Variants in SDC4 observed in about 807,000 individuals in gnomAD.
SDC4 encodes syndecan-4.
A neutral mutation model predicts 20.5 loss-of-function variants in SDC4; 17 were observed. The observed-to-expected ratio is 0.83, with a 90% CI of 0.57 to 1.25. The LOEUF is 1.25. SDC4 is among the 50% of genes most tolerant of loss of function. The probability of loss-of-function intolerance (pLI) is 0.00; values close to 1 mark genes in which losing one functional copy is unlikely to be tolerated. For synonymous variants in SDC4, 107 were observed against 105.3 expected (o/e 1.02, Z -0.10); for missense variants, 241 against 252.3 (o/e 0.96, Z 0.30).
At chr20:45,340,167 G>A (rs1987934313) in intron 1 of SDC4, among the ~76,000 whole-genome samples, 1 of 152,146 alleles carries the variant, frequency 6.6e-6, no homozygotes, top group South Asian at 2.1e-4. Context: ...GCTACGAAAA[G>A]GTCCTATCCC....
At chr20:45,342,870 C>T (rs1472824680) in intron 1 of SDC4, among the ~76,000 whole-genome samples, 1 of 152,214 alleles carries the variant, frequency 6.6e-6, no homozygotes, top group African/African-American at 2.4e-5. Flanking sequence ...ACCACCTCCC[C>T]AAAGCCAAAC....
intron 1 of SDC4, among the ~76,000 whole-genome samples, chr20:45,342,305 C>T (rs547703836): frequency 6.6e-6 from 1 of 152,334 alleles, no homozygotes; most frequent in South Asian, 2.1e-4. Flanking sequence ...GTCAGTCTGT[C>T]CCACAGACGG....
Position 45,330,543 on chromosome 20 carries a change from G to A in SDC4, c.268C>T (p.Pro90Ser), listed in dbSNP as rs1987762182. 1 of 1,614,076 alleles carries A rather than the reference G, an allele frequency of 6.2e-7. No homozygotes were observed. The change falls in exon 4 of 5, where the codon CCT (proline) becomes TCT (serine). Residue 90 changes from proline (P) to serine (S), a missense_variant. Physicochemically the swap from Pro to Ser is moderately conservative, Grantham distance 74. Transcript: ENST00000372733. Reference sequence around the variant, plus strand: ...TGGCTCCCAGACCCTGCCCTCTCAGGGATATGGTTATCTAGAGGCACCTGG... The same window carrying A: ...TGGCTCCCAGACCCTGCCCTCTCAGAGATATGGTTATCTAGAGGCACCTGG... ...HPLVPLDNHIPERAGSGSQVP... is the reference protein window; with the variant it reads ...HPLVPLDNHISERAGSGSQVP...
At chr20:45,337,810 G>A (rs1159611473) in intron 1 of SDC4, among the ~76,000 whole-genome samples, 6 of 152,244 alleles carry the variant, frequency 3.9e-5, no homozygotes, top group Non-Finnish European at 8.8e-5. Flanking sequence ...AGGCCACAAG[G>A]AAGGCAGTGG....
chr20:45,332,418 C>CTGTGCTAAG lies in SDC4; in HGVS notation c.246+604_246+605insCTTAGCACA, dbSNP rs773672400. 8.5e-5 allele frequency among the ~76,000 whole-genome samples: 13 copies of CTGTGCTAAG among 152,190 alleles called. No homozygotes were observed. The South Asian group carries it at 2.7e-3, about 32-fold the overall frequency. ...TCAGGTGATCTGCCCGTCTTAGCCT[C>CTGTGCTAAG]CCAAAGTGCTGGGATTACAGGCATT... On this transcript the variant is annotated intron_variant, in intron 3 of 4. Transcript: ENST00000372733.
chr20:45,337,344 G>A (rs1452566588), intron 1 of SDC4, among the ~76,000 whole-genome samples: 1 of 152,148 alleles, frequency 6.6e-6, no homozygotes, highest in East Asian at 1.9e-4. Context: ...TGCCCCTCCC[G>A]CTGAAAGACA....
chr20:45,335,680 C>A, intron 2 of SDC4, 102 bp downstream of exon 2: 1 of 1,266,254 alleles, frequency 7.9e-7, no homozygotes, highest in Admixed American at 2.0e-5. Context: ...TAGGAAAAGT[C>A]CCACAAAAAT....
chr20:45,334,551 T>C (rs6073717), intron 2 of SDC4, among the ~76,000 whole-genome samples: 113,845 of 151,740 alleles, frequency 0.75, 42,860 homozygotes, highest in East Asian at 0.95. Context: ...TGCAATGGCG[T>C]GATCTCAGCT....
chr20:45,331,160 G>A (rs1191861874), intron 3 of SDC4, among the ~76,000 whole-genome samples: 1 of 152,182 alleles, frequency 6.6e-6, no homozygotes, highest in Non-Finnish European at 1.5e-5. Context: ...ATGAGACGGA[G>A]GAGACTCCCG....
At chr20:45,336,051 G>T in intron 1 of SDC4, 131 bp from the exon 2 acceptor site, 1 of 889,190 alleles carries the variant, frequency 1.1e-6, no homozygotes, top group Non-Finnish European at 1.7e-6. Context: ...CCTGCGTCCT[G>T]GATCCCACTC....
intron 1 of SDC4, 78 bp downstream of exon 1, chr20:45,348,247 C>A: frequency 1.7e-6 from 2 of 1,177,672 alleles, no homozygotes; most frequent in Non-Finnish European, 2.5e-6. Context: ...CCCCCCCCAT[C>A]CCACGCTCCG....
In SDC4 at chr20:45,335,768, C is replaced by G. The variant is rs957775760; in HGVS notation, c.199+14G>C. The G allele has an allele frequency of 2.5e-6, 4 of 1,612,750 alleles. No individual in the cohort carries two copies. In the African/African-American group the frequency reaches 5.3e-5, roughly 22 times the overall value. On this transcript the variant is annotated intron_variant, in intron 2 of 4. Transcript: ENST00000372733. ...CAGCTTTGTGCCTACGCCTGCCCAG[C>G]ACACCTTCCGTACCCAGATCTCCAG...
At position 45,335,418 on chromosome 20, in the gene SDC4, A is replaced by G. The variant is rs549972090; in HGVS notation, c.199+364T>C. On this transcript the variant is annotated intron_variant, in intron 2 of 4. Transcript: ENST00000372733. ...TGGAACTTTTCCTTTCAAAAAAAGG[A>G]AAACACTCTATGGGTCCTCCTTCCC... 2.0e-5 allele frequency among the ~76,000 whole-genome samples: 3 copies of G among 151,930 alleles called. No individual in the cohort carries two copies. The South Asian group carries it at 6.2e-4, about 32-fold the overall frequency.
chr20:45,346,465 G>A (rs970077872), intron 1 of SDC4, among the ~76,000 whole-genome samples: 10 of 152,218 alleles, frequency 6.6e-5, no homozygotes, highest in African/African-American at 2.4e-4. Flanking sequence ...ACATCCTTCA[G>A]AATGCCCCCA....
At chr20:45,336,780 G>C (rs867680541) in intron 1 of SDC4, among the ~76,000 whole-genome samples, 2 of 152,004 alleles carry the variant, frequency 1.3e-5, no homozygotes, top group Non-Finnish European at 2.9e-5. Context: ...GTCTGGGCCG[G>C]GACAGACAGG....
Position 45,335,833 on chromosome 20 carries a change from C to T in SDC4, c.148G>A (p.Gly50Arg), listed in dbSNP as rs1258331174. 1 of 1,614,078 alleles carries T rather than the reference C, an allele frequency of 6.2e-7. No individual in the cohort carries two copies. The highest frequency in any genetic ancestry group is 8.5e-7 in the Non-Finnish European group (1 of 1,180,006). The change falls in exon 2 of 5, where the codon GGG becomes AGG. Residue 50 changes from glycine (G) to arginine (R), a missense_variant. Gly to Arg is a moderately radical substitution (Grantham distance 125, BLOSUM62 -2). Transcript: ENST00000372733. ...AAGTCATCAGATTCCTGCCCGGGCC[C>T]CACTACATCCTCATCGTCTGGTAGG... The part of the protein sequence containing the change: ...GALPDDEDVV[G>R]PGQESDDFEL...
At chr20:45,328,210 T>C (rs1987724020) in intron 4 of SDC4, among the ~76,000 whole-genome samples, 1 of 152,152 alleles carries the variant, frequency 6.6e-6, no homozygotes, top group Non-Finnish European at 1.5e-5. Context: ...AATTCCAAAC[T>C]CTTATGTTAC....
intron 1 of SDC4, chr20:45,345,296 G>C (rs911912147): frequency 6.6e-6 from 1 of 152,186 alleles, no homozygotes; most frequent in Non-Finnish European, 1.5e-5. Flanking sequence ...CTTCAAGAGA[G>C]AGACCTCTTT....
intron 1 of SDC4, among the ~76,000 whole-genome samples, chr20:45,343,320 T>A (rs1352897521): frequency 6.6e-6 from 1 of 152,174 alleles, no homozygotes; most frequent in Admixed American, 6.5e-5. Flanking sequence ...CTGTACCTTT[T>A]CTGTCCACCA....
Sources: allele counts gnomAD v4.1 joint callset (sites outside exome capture counted in the v4.1 genomes callset), GRCh38; gene constraint gnomAD v4.1.1; transcripts MANE v1.5; gene names NCBI Gene and HGNC (gene_info 2026-07-23, HGNC 2026-07-21).